MEGF6: variants seen among roughly 807,000 people sequenced by gnomAD.
The protein encoded by MEGF6 is multiple EGF like domains 6.
In MEGF6, 184 loss-of-function variants were observed where a neutral mutation model predicts 207.1. The observed-to-expected ratio is 0.89, with a 90% CI of 0.79 to 1.00. The LOEUF is 1.00. MEGF6 is among the 50% of genes least tolerant of loss of function. The probability of loss-of-function intolerance (pLI) is 0.00; values close to 1 mark genes in which losing one functional copy is unlikely to be tolerated. For synonymous variants in MEGF6, 1,038 were observed against 910.0 expected (o/e 1.14, Z -2.53); for missense variants, 2,282 against 2,202.9 (o/e 1.04, Z -0.72).
chr1:3,500,927 G>C (rs751061777), intron 20 of MEGF6, 39 bp downstream of exon 20: 1 of 1,610,436 alleles, frequency 6.2e-7, no homozygotes, highest in African/African-American at 1.3e-5. Context: ...TAGGAAAGGA[G>C]GGATGTCTGG....
intron 21 of MEGF6, 141 bp downstream of exon 21, chr1:3,500,492 C>T: frequency 7.9e-7 from 1 of 1,273,658 alleles, no homozygotes; most frequent in Non-Finnish European, 1.1e-6. Flanking sequence ...TGTGCGCGCA[C>T]AGGAGGGGGC....
chr1:3,510,857 G>A lies in MEGF6; in HGVS notation c.1160C>T (p.Thr387Ile), dbSNP rs758043086. The A allele has an allele frequency of 2.5e-6, 4 of 1,610,670 alleles. No homozygotes were observed. In the African/African-American group the frequency reaches 4.0e-5, roughly 16 times the overall value. The change falls in exon 10 of 37, where the codon ACC (threonine) becomes ATC (isoleucine). Residue 387 changes from threonine (T) to isoleucine (I), a missense_variant. Thr to Ile is a moderately conservative substitution (Grantham distance 89). Transcript: ENST00000356575. The part of the protein sequence containing the change: ...ADSPCCQQVC[T>I]NNPGGYECGC... ...GCACTCGTACCCGCCAGGGTTGTTG[G>A]TGCACACCTGCTGGCAGCACGGGCT...
chr1:3,607,848 G>A (rs1172064163), intron 1 of MEGF6, among the ~76,000 whole-genome samples: 2 of 152,244 alleles, frequency 1.3e-5, no homozygotes, highest in Non-Finnish European at 2.9e-5. Flanking sequence ...GGGCTCCACG[G>A]GCAAGAGATG....
chr1:3,595,484 C>T (rs554549764), intron 2 of MEGF6, 37 bp from the exon 3 acceptor site: 44 of 1,560,422 alleles, frequency 2.8e-5, no homozygotes, highest in Middle Eastern at 3.4e-4. Flanking sequence ...CTTACCGTCG[C>T]GGGACTGGCT....
intron 29 of MEGF6, 114 bp downstream of exon 29, chr1:3,496,540 AG>A (rs1640612500): frequency 1.4e-6 from 2 of 1,454,532 alleles, no homozygotes; most frequent in Admixed American, 2.0e-5. Context: ...GCCCAGCCAG[AG>A]GGGGCTGAAG....
chr1:3,535,494 A>T (rs1195717179), intron 4 of MEGF6, among the ~76,000 whole-genome samples: 1 of 151,622 alleles, frequency 6.6e-6, no homozygotes, highest in Non-Finnish European at 1.5e-5. Context: ...CTCCACACAG[A>T]CCACCCTGGC....
intron 3 of MEGF6, among the ~76,000 whole-genome samples, chr1:3,588,533 T>G (rs1194881156): frequency 0.068 from 461 of 6,744 alleles, no homozygotes; most frequent in Admixed American, 0.08. Context: ...TGGCCAGGAG[T>G]GGCCAGGAGG....
At chr1:3,559,448 G>A (rs1428583102) in intron 4 of MEGF6, among the ~76,000 whole-genome samples, 1 of 148,558 alleles carries the variant, frequency 6.7e-6, no homozygotes, top group Admixed American at 6.7e-5. Context: ...TGTGAGCCCA[G>A]GAGTTTGAGG....
chr1:3,523,082 G>GT (rs894224705), intron 5 of MEGF6, among the ~76,000 whole-genome samples: 9 of 152,072 alleles, frequency 5.9e-5, no homozygotes, highest in African/African-American at 1.9e-4. Flanking sequence ...GCCGGGGGGG[G>GT]GGCCCCAGGG....
intron 2 of MEGF6, among the ~76,000 whole-genome samples, chr1:3,599,545 C>T (rs1644125714): frequency 6.6e-6 from 1 of 152,254 alleles, no homozygotes; most frequent in Non-Finnish European, 1.5e-5. Context: ...ACTGCAGGCA[C>T]AGCTGGACAT....
chr1:3,513,985 A>T (rs1289000117), intron 7 of MEGF6, among the ~76,000 whole-genome samples: 1 of 151,470 alleles, frequency 6.6e-6, no homozygotes, highest in East Asian at 2.0e-4. Flanking sequence ...GCAGTGGCTC[A>T]CGCCTGTAAT....
In MEGF6 at chr1:3,515,458, T is replaced by C. The variant is rs1323969689; in HGVS notation, c.674A>G (p.His225Arg). 1.9e-6 allele frequency: 3 copies of C among 1,612,696 alleles called. No homozygotes were observed. The highest frequency in any genetic ancestry group is 4.5e-5 in the East Asian group (2 of 44,872). The change falls in exon 6 of 37, where the codon CAT (histidine) becomes CGT (arginine). Residue 225 changes from histidine to arginine, a missense_variant. His to Arg is a conservative substitution (Grantham distance 29). Coordinates refer to ENST00000356575, the MANE Select transcript of MEGF6 (RefSeq NM_001409.4). Reference protein sequence around the residue: ...HHCVQLTITRHRCQCRPGFQL... With the variant: ...HHCVQLTITRRRCQCRPGFQL... ...GAACCCGGGCCGGCACTGGCAGCGA[T>C]GCCGAGTGATTGTGAGCTGGACACA...
intron 3 of MEGF6, among the ~76,000 whole-genome samples, chr1:3,585,565 A>G (rs1183957266): frequency 5.2e-4 from 58 of 111,066 alleles, no homozygotes; most frequent in East Asian, 2.3e-3. Flanking sequence ...GTGGGTGTGA[A>G]TGAGGACACA....
intron 10 of MEGF6, 28 bp downstream of exon 10, chr1:3,510,755 A>C: frequency 6.3e-7 from 1 of 1,582,226 alleles, no homozygotes; most frequent in Non-Finnish European, 8.6e-7. Context: ...AGGCCACCCC[A>C]GCTGTGCAGT....
In MEGF6 at chr1:3,505,438, GC is replaced by G. The variant is rs1457146686; in HGVS notation, c.2036del (p.Gly679AlafsTer32). ...TGGACTCACCTGCCTGACAGCGCTC[GC>G]CCCGGAAGCCAGCCTTGCAGGAGCA... ...GSCSCKAGFR[G>X]ERCQAECELG... On this transcript the variant is annotated frameshift_variant, in exon 16 of 37. Coordinates refer to ENST00000356575, the MANE Select transcript of MEGF6 (RefSeq NM_001409.4). LOFTEE classifies it high-confidence loss of function. 6.2e-7 allele frequency: 1 copy of G among 1,604,584 alleles called. No homozygotes were observed. The highest frequency in any genetic ancestry group is 8.5e-7 in the Non-Finnish European group (1 of 1,176,736).
At chr1:3,500,040 C>A in intron 21 of MEGF6, 116 bp from the exon 22 acceptor site, 3 of 1,386,968 alleles carry the variant, frequency 2.2e-6, no homozygotes, top group Non-Finnish European at 2.8e-6. Context: ...CATGAGAAGC[C>A]CCTTCCTGCC....
rs765241521 is a variant in MEGF6, at chr1:3,494,408, G to A, written c.4092C>T (p.Arg1364=). The change falls in exon 32 of 37, where the codon CGC becomes CGT. Residue 1364 remains arginine (R), a synonymous_variant. Transcript: ENST00000356575. ...CCTGGCCATAGAAGCCGGGGCCGCA[G>A]CGGCAGGTGCCCGTGGCAGGCTCAC... ...STCEPATGTC[R]CGPGFYGQAC... is the part of the protein sequence containing the mutation. 1.9e-6 allele frequency: 3 copies of A among 1,548,424 alleles called. No homozygotes were observed. The highest frequency in any genetic ancestry group is 2.6e-6 in the Non-Finnish European group (3 of 1,152,030).
chr1:3,602,804 G>A (rs1321832697), intron 1 of MEGF6, among the ~76,000 whole-genome samples: 1 of 152,152 alleles, frequency 6.6e-6, no homozygotes, highest in African/African-American at 2.4e-5. Flanking sequence ...AGGGGAAAAG[G>A]CAAGATGACC....
chr1:3,590,649 C>A (rs1643961626), intron 3 of MEGF6, among the ~76,000 whole-genome samples: 1 of 152,198 alleles, frequency 6.6e-6, no homozygotes, highest in Admixed American at 6.5e-5. Flanking sequence ...GCCGGGTGTC[C>A]AGGTCACACG....
Sources: allele counts gnomAD v4.1 joint callset (sites outside exome capture counted in the v4.1 genomes callset), GRCh38; gene constraint gnomAD v4.1.1; transcripts MANE v1.5; gene names NCBI Gene and HGNC (gene_info 2026-07-23, HGNC 2026-07-21).